Variants in GRIN2B observed in about 807,000 individuals in gnomAD.
GRIN2B encodes glutamate receptor ionotropic, NMDA 2B.
Under a neutral mutation model 114.5 loss-of-function variants are expected in GRIN2B, and 5 were observed. The ratio of observed to expected loss-of-function variants is 0.04; its 90% CI spans 0.02 to 0.09. The LOEUF is 0.09. Ranked by LOEUF, GRIN2B falls within the 10% of genes least tolerant of loss-of-function variation. The pLI, the probability that GRIN2B is intolerant of heterozygous loss-of-function variation, is 1.00. For synonymous variants in GRIN2B, 787 were observed against 745.1 expected (o/e 1.06, Z -0.92); for missense variants, 1,108 against 1,943.5 (o/e 0.57, Z 8.08).
At chr12:13,897,341 C>T (rs1429817910) in intron 2 of GRIN2B, among the ~76,000 whole-genome samples, 1 of 152,138 alleles carries the variant, frequency 6.6e-6, no homozygotes, top group Non-Finnish European at 1.5e-5. Flanking sequence ...AAAGACTCCC[C>T]AGCCCTGCCC....
chr12:13,806,832 C>T (rs1864608573), intron 3 of GRIN2B, among the ~76,000 whole-genome samples: 1 of 151,800 alleles, frequency 6.6e-6, no homozygotes. Flanking sequence ...CATTGTTTTC[C>T]CTAGTATTTT....
At chr12:13,813,213 G>A (rs577421425) in intron 3 of GRIN2B, among the ~76,000 whole-genome samples, 3 of 152,044 alleles carry the variant, frequency 2.0e-5, no homozygotes. Flanking sequence ...GGGATTACAG[G>A]CGTGAGCCAC....
At chr12:13,681,300 C>A (rs1199872782) in intron 4 of GRIN2B, among the ~76,000 whole-genome samples, 1 of 152,188 alleles carries the variant, frequency 6.6e-6, no homozygotes, top group African/African-American at 2.4e-5. Context: ...CAAAGCCCAG[C>A]AGGGCTTTTG....
chr12:13,954,811 GAAAAAAAA>G (rs61525874), intron 2 of GRIN2B, among the ~76,000 whole-genome samples: 1 of 25,552 alleles, frequency 3.9e-5, no homozygotes, highest in Non-Finnish European at 1.0e-4. Flanking sequence ...TCCGTCTCAG[GAAAAAAAA>G]AAAAAAAAAA....
At chr12:13,689,120 T>C (rs754634311) in intron 4 of GRIN2B, among the ~76,000 whole-genome samples, 18 of 152,204 alleles carry the variant, frequency 1.2e-4, no homozygotes, top group Admixed American at 3.3e-4. Context: ...GCCATTCCCA[T>C]GGCACAAACT....
intron 4 of GRIN2B, among the ~76,000 whole-genome samples, chr12:13,723,707 G>A (rs1862920869): frequency 6.6e-6 from 1 of 152,198 alleles, no homozygotes; most frequent in East Asian, 1.9e-4. Context: ...GTGGTGGATT[G>A]GGATAAGCTA....
intron 4 of GRIN2B, among the ~76,000 whole-genome samples, chr12:13,735,967 T>C (rs1013243946): frequency 5.9e-5 from 9 of 151,888 alleles, no homozygotes; most frequent in Admixed American, 1.3e-4. Flanking sequence ...AGACATAGCA[T>C]GTGTGTCCTT....
chr12:13,740,871 C>A (rs963712316), intron 4 of GRIN2B, among the ~76,000 whole-genome samples: 1 of 152,074 alleles, frequency 6.6e-6, no homozygotes, highest in Admixed American at 6.5e-5. Context: ...GCAAGACCAG[C>A]AAGTAGAGAT....
intron 2 of GRIN2B, among the ~76,000 whole-genome samples, chr12:13,960,390 T>C (rs1867668039): frequency 6.6e-6 from 1 of 152,182 alleles, no homozygotes; most frequent in African/African-American, 2.4e-5. Flanking sequence ...TTTTTCAAAG[T>C]TTCCACCACT....
chr12:13,702,844 C>A (rs4764028), intron 4 of GRIN2B, among the ~76,000 whole-genome samples: 1 of 152,032 alleles, frequency 6.6e-6, no homozygotes, highest in Non-Finnish European at 1.5e-5. Flanking sequence ...CCATTCCTTA[C>A]AGCTAAAGTC....
chr12:13,970,337 C>T (rs575156961), intron 2 of GRIN2B, among the ~76,000 whole-genome samples: 2 of 152,198 alleles, frequency 1.3e-5, no homozygotes, highest in Non-Finnish European at 2.9e-5. Flanking sequence ...ATTTTCACTT[C>T]ATCAGCCTAA....
At chr12:13,821,023 G>C (rs1357238372) in intron 3 of GRIN2B, among the ~76,000 whole-genome samples, 2 of 151,156 alleles carry the variant, frequency 1.3e-5, no homozygotes, top group African/African-American at 4.9e-5. Flanking sequence ...CCTTCTACTT[G>C]CTACCGTACA....
chr12:13,855,233 CAAAAGAGAG>C (rs1398145998), intron 3 of GRIN2B, among the ~76,000 whole-genome samples: 1 of 150,464 alleles, frequency 6.6e-6, no homozygotes, highest in Non-Finnish European at 1.5e-5. Context: ...AGAAAAGAGA[CAAAAGAGAG>C]AAAAGAGAGA....
Position 13,743,885 on chromosome 12 carries a change from C to T in GRIN2B, c.1010+9432G>A, listed in dbSNP as rs372616041. On this transcript the variant is annotated intron_variant, in intron 4 of 13. Coordinates refer to ENST00000609686, the MANE Select transcript of GRIN2B (RefSeq NM_000834.5). ...AACACTAAATGTATTTTGACACCTA[C>T]CTCCATCTGGACCCCATCTATAATC... Among the ~76,000 whole-genome samples the T allele has an allele frequency of 4.6e-5, 7 of 152,206 alleles. No individual in the cohort carries two copies. The East Asian group carries it at 9.6e-4, about 21-fold the overall frequency.
At chr12:13,575,155 T>TACA (rs1214475359) in intron 10 of GRIN2B, among the ~76,000 whole-genome samples, 2 of 152,170 alleles carry the variant, frequency 1.3e-5, no homozygotes, top group African/African-American at 4.8e-5. Context: ...ATTTCTTAGC[T>TACA]ACAACACCAA....
chr12:13,593,295 T>C (rs1240004956), intron 10 of GRIN2B, among the ~76,000 whole-genome samples: 8 of 152,126 alleles, frequency 5.3e-5, no homozygotes, highest in Admixed American at 5.2e-4. Context: ...CTTCAAACTA[T>C]ACTACAAGCC....
At position 13,551,089 on chromosome 12, in the gene GRIN2B, G is replaced by A. The variant is rs1398384897; in HGVS notation, c.*11694C>T. ...TGCTTCACTATCCTCCTTGCTTCCT[G>A]CCTATGTGAAACCTTGATATTTTTC... On this transcript the variant is annotated 3_prime_UTR_variant, in exon 14 of 14. Transcript: ENST00000609686. 18 of 151,992 alleles carry A rather than the reference G, an allele frequency of 1.2e-4. No homozygotes were observed. 9.4% of individuals were successfully genotyped at this position (151,992 alleles called of 1,614,324 possible).
At chr12:13,896,679 G>A (rs565239989) in intron 2 of GRIN2B, among the ~76,000 whole-genome samples, 2 of 152,214 alleles carry the variant, frequency 1.3e-5, no homozygotes, top group South Asian at 4.1e-4. Context: ...AAAAAGAAAA[G>A]CTCAGAATAC....
chr12:13,809,830 T>C (rs1049593650), intron 3 of GRIN2B, among the ~76,000 whole-genome samples: 14 of 152,172 alleles, frequency 9.2e-5, no homozygotes, highest in African/African-American at 3.1e-4. Flanking sequence ...GCAATCAGAG[T>C]ACTCTTTTGT....
Sources: allele counts gnomAD v4.1 joint callset (sites outside exome capture counted in the v4.1 genomes callset), GRCh38; gene constraint gnomAD v4.1.1; transcripts MANE v1.5; gene names NCBI Gene and HGNC (gene_info 2026-07-23, HGNC 2026-07-21).